CADM2: variants seen among roughly 807,000 people sequenced by gnomAD.
CADM2 encodes cell adhesion molecule 2, also known as immunoglobulin superfamily member 4D.
CADM2 carries 12 observed loss-of-function variants against 49.8 expected under a neutral mutation model. The observed-to-expected ratio is 0.24, with a 90% CI of 0.15 to 0.39. The LOEUF is 0.39. Among genes scored for constraint, CADM2 ranks in the 10% least tolerant of loss-of-function variants. The pLI, the probability that CADM2 is intolerant of heterozygous loss-of-function variation, is 1.00. For synonymous variants in CADM2, 214 were observed against 175.4 expected (o/e 1.22, Z -1.74); for missense variants, 378 against 492.3 (o/e 0.77, Z 2.20).
At chr3:85,455,301 C>T (rs943187875) in intron 1 of CADM2, among the ~76,000 whole-genome samples, 8 of 152,186 alleles carry the variant, frequency 5.3e-5, no homozygotes, top group African/African-American at 1.9e-4. Flanking sequence ...CAATACATGT[C>T]GCTAATTGCA....
At chr3:85,422,544 T>C (rs2107500841) in intron 1 of CADM2, among the ~76,000 whole-genome samples, 1 of 152,332 alleles carries the variant, frequency 6.6e-6, no homozygotes. Flanking sequence ...CCCAAAGTGC[T>C]GGGATTACAG....
chr3:85,744,495 A>C (rs1030072529), intron 2 of CADM2, among the ~76,000 whole-genome samples: 1 of 151,954 alleles, frequency 6.6e-6, no homozygotes, highest in Non-Finnish European at 1.5e-5. Context: ...TACATCTGCC[A>C]TGTACCCACA....
chr3:85,873,179 T>G (rs899621366), intron 3 of CADM2, among the ~76,000 whole-genome samples: 3 of 152,236 alleles, frequency 2.0e-5, no homozygotes, highest in African/African-American at 7.2e-5. Flanking sequence ...CTCTTAATAC[T>G]GTTACAATGG....
At chr3:85,971,201 T>A (rs34479647) in intron 8 of CADM2, among the ~76,000 whole-genome samples, 7,826 of 151,698 alleles carry the variant, frequency 0.052, 275 homozygotes, top group Middle Eastern at 0.092. Context: ...GCATTTTGAA[T>A]CTGAACCAAC....
chr3:85,812,758 TCTC>T, intron 3 of CADM2, among the ~76,000 whole-genome samples: 1 of 152,226 alleles, frequency 6.6e-6, no homozygotes, highest in East Asian at 1.9e-4. Flanking sequence ...GTCCATGTGT[TCTC>T]CTTGTTCAAC....
intron 1 of CADM2, among the ~76,000 whole-genome samples, chr3:85,593,367 A>G (rs2063159100): frequency 6.6e-6 from 1 of 151,978 alleles, no homozygotes; most frequent in South Asian, 2.1e-4. Context: ...ACTTTTGAAT[A>G]CCATCTCTGT....
At chr3:85,567,507 A>T (rs1057335703) in intron 1 of CADM2, among the ~76,000 whole-genome samples, 2 of 152,212 alleles carry the variant, frequency 1.3e-5, no homozygotes, top group African/African-American at 4.8e-5. Flanking sequence ...CATAAAGTAT[A>T]AAGGTCTTAG....
At chr3:85,511,065 T>C (rs1218855761) in intron 1 of CADM2, among the ~76,000 whole-genome samples, 2 of 152,046 alleles carry the variant, frequency 1.3e-5, no homozygotes, top group African/African-American at 4.8e-5. Flanking sequence ...CAACTAATAT[T>C]TCACACGTTA....
At chr3:85,456,036 T>G (rs2037975887) in intron 1 of CADM2, among the ~76,000 whole-genome samples, 2 of 152,124 alleles carry the variant, frequency 1.3e-5, no homozygotes, top group African/African-American at 4.8e-5. Flanking sequence ...GAACTTTGAG[T>G]CTGAGTCTAA....
intron 1 of CADM2, among the ~76,000 whole-genome samples, chr3:85,525,659 A>AT (rs2061144281): frequency 6.6e-6 from 1 of 152,088 alleles, no homozygotes; most frequent in South Asian, 2.1e-4. Context: ...TAATATGATT[A>AT]TTTATTTGGT....
chr3:85,216,481 C>T (rs2041931439), intron 1 of CADM2, among the ~76,000 whole-genome samples: 1 of 151,210 alleles, frequency 6.6e-6, no homozygotes, highest in African/African-American at 2.4e-5. Context: ...GATTAATTTG[C>T]AATAATTGAT....
chr3:85,025,021 A>G (rs183433625), intron 1 of CADM2, among the ~76,000 whole-genome samples: 1 of 152,216 alleles, frequency 6.6e-6, no homozygotes, highest in Admixed American at 6.5e-5. Flanking sequence ...AAAAAAAAAC[A>G]GTATTTAAGC....
chr3:85,912,446 G>A lies in CADM2; in HGVS notation c.603G>A (p.Val201=). The A allele has an allele frequency of 6.2e-7, 1 of 1,614,142 alleles. No individual in the cohort carries two copies. Among genetic ancestry groups the A allele is most frequent in the Non-Finnish European group, 8.5e-7 (1 of 1,179,992 alleles). ...FTVSSTLDFR[V]DRSDDGVAVI... is the part of the protein sequence containing the mutation. ...TCAGCAGCACACTGGACTTCCGAGTGGACCGGAGTGATGATGGAGTGGCGG... is the reference window on the plus strand; with the variant it reads ...TCAGCAGCACACTGGACTTCCGAGTAGACCGGAGTGATGATGGAGTGGCGG... Residue 201 remains valine, a synonymous_variant, in exon 6 of 10, where the codon GTG becomes GTA. Coordinates refer to ENST00000383699, the MANE Select transcript of CADM2 (RefSeq NM_001167675.2).
intron 1 of CADM2, among the ~76,000 whole-genome samples, chr3:85,029,577 C>T (rs544463962): frequency 1.1e-4 from 16 of 152,318 alleles, no homozygotes; most frequent in African/African-American, 3.6e-4. Flanking sequence ...CAAGGCCATT[C>T]GTGTAGTGAT....
intron 1 of CADM2, among the ~76,000 whole-genome samples, chr3:85,454,170 C>T (rs2037882668): frequency 6.6e-6 from 1 of 151,960 alleles, no homozygotes; most frequent in Non-Finnish European, 1.5e-5. Flanking sequence ...GCCTGGTCAA[C>T]ATGGTGAAAC....
At chr3:85,733,339 T>C (rs554413657) in intron 2 of CADM2, among the ~76,000 whole-genome samples, 8 of 152,316 alleles carry the variant, frequency 5.3e-5, no homozygotes, top group Non-Finnish European at 1.0e-4. Context: ...GGTCAAAATA[T>C]AAGTAATTTT....
intron 1 of CADM2, among the ~76,000 whole-genome samples, chr3:85,490,003 TTTAA>T (rs1339535696): frequency 1.7e-4 from 26 of 152,264 alleles, no homozygotes; most frequent in African/African-American, 6.0e-4. Flanking sequence ...CCTATATAAA[TTTAA>T]TTGTTATTCT....
At chr3:85,623,807 T>C (rs567393936) in intron 1 of CADM2, among the ~76,000 whole-genome samples, 1 of 152,326 alleles carries the variant, frequency 6.6e-6, no homozygotes, top group African/African-American at 2.4e-5. Flanking sequence ...GAATATTTTA[T>C]TTTATGAATA....
chr3:85,633,543 A>T (rs2107528244), intron 1 of CADM2, among the ~76,000 whole-genome samples: 1 of 152,184 alleles, frequency 6.6e-6, no homozygotes, highest in South Asian at 2.1e-4. Flanking sequence ...AACCAATTAG[A>T]TCTGAATTTT....
Sources: allele counts gnomAD v4.1 joint callset (sites outside exome capture counted in the v4.1 genomes callset), GRCh38; gene constraint gnomAD v4.1.1; transcripts MANE v1.5; gene names NCBI Gene and HGNC (gene_info 2026-07-23, HGNC 2026-07-21).